DPP10: variants seen among roughly 807,000 people sequenced by gnomAD.
DPP10 encodes the protein inactive dipeptidyl peptidase 10.
In DPP10, 33 loss-of-function variants were observed where a neutral mutation model predicts 120.9. The ratio of observed to expected loss-of-function variants is 0.27; its 90% CI spans 0.21 to 0.37. The LOEUF is 0.37. DPP10 is among the 10% of genes least tolerant of loss of function. DPP10 has a pLI of 1.00. For synonymous variants in DPP10, 337 were observed against 326.1 expected, an observed-to-expected ratio of 1.03 and a Z score of -0.36; for missense variants, 816 against 942.8, an observed-to-expected ratio of 0.87 and a Z score of 1.76.
At chr2:114,863,452 T>G (rs1352135248) in intron 1 of DPP10, among the ~76,000 whole-genome samples, 7 of 152,086 alleles carry the variant, frequency 4.6e-5, no homozygotes, top group African/African-American at 1.7e-4. Flanking sequence ...TTCCCATTAG[T>G]TAGTGGTGGT....
chr2:114,743,044 C>T lies in DPP10; in HGVS notation c.60+300206C>T, dbSNP rs191402458. ...GTCTTAATCACACCTAATTCCAAAT[C>T]CATCACTATGGTTCAGAGAATCAAC... On this transcript the variant is annotated intron_variant, in intron 1 of 25. Coordinates refer to ENST00000410059, the MANE Select transcript of DPP10 (RefSeq NM_020868.6). Among the ~76,000 whole-genome samples, 943 of 152,316 alleles carry T rather than the reference C, an allele frequency of 6.2e-3. 9 individuals are homozygous for T. The highest frequency in any genetic ancestry group is 9.2e-3 in the Non-Finnish European group (625 of 68,026).
intron 1 of DPP10, among the ~76,000 whole-genome samples, chr2:114,698,398 A>T (rs1213293938): frequency 6.6e-6 from 1 of 152,134 alleles, no homozygotes; most frequent in Non-Finnish European, 1.5e-5. Context: ...CTGCAACCTC[A>T]TGAGAGACCA....
rs1216745486 is a variant in DPP10 at position 115,350,049 on chromosome 2, T to TG, written c.271+6137_271+6138insG. On this transcript the variant is annotated intron_variant, in intron 3 of 25. Coordinates refer to ENST00000410059, the MANE Select transcript of DPP10 (RefSeq NM_020868.6). ...ATGAGGCTCTTGAAGATAACACGTA[T>TG]TTTTCTTGCAACATAATTTATAAAG... 2.0e-5 allele frequency among the ~76,000 whole-genome samples: 3 copies of TG among 152,244 alleles called. No homozygotes were observed. The South Asian group carries it at 6.2e-4, about 32-fold the overall frequency.
chr2:115,371,425 C>T (rs948243705), intron 3 of DPP10, among the ~76,000 whole-genome samples: 7 of 152,160 alleles, frequency 4.6e-5, no homozygotes, highest in East Asian at 1.9e-4. Context: ...AATACGTGAA[C>T]TTGAGCTCTT....
intron 7 of DPP10, among the ~76,000 whole-genome samples, chr2:115,707,504 A>G (rs1437068803): frequency 6.6e-6 from 1 of 151,536 alleles, no homozygotes; most frequent in Non-Finnish European, 1.5e-5. Flanking sequence ...ATATCTAATA[A>G]GTAATATAGT....
rs906712445 is a variant in DPP10, at chr2:115,482,325, G to A, written c.272-17185G>A. Among the ~76,000 whole-genome samples the A allele has an allele frequency of 3.5e-5, 5 of 144,082 alleles. No individual in the cohort carries two copies. In the Admixed American group the frequency reaches 3.5e-4, roughly 10 times the overall value. 94.5% of individuals were successfully genotyped at this position (144,082 alleles called of 152,430 possible). ...ATCTGCATACATAGTAAAATAGTTA[G>A]TATAGGGGAACAAATTAGCATATTC... is the stretch of plus-strand genomic sequence containing the variant. On this transcript the variant is annotated intron_variant, in intron 3 of 25. Transcript: ENST00000410059.
chr2:114,442,909 T>A, intron 1 of DPP10, 71 bp downstream of exon 1: 1 of 1,574,050 alleles, frequency 6.4e-7, no homozygotes, highest in Non-Finnish European at 8.7e-7. Context: ...TGGGCATTGA[T>A]ATATCGGGGT....
rs1695309294 is a variant in DPP10 at position 114,922,957 on chromosome 2, GAACCA to G, written c.61-386281_61-386277del. Among the ~76,000 whole-genome samples the G allele has an allele frequency of 2.0e-5, 3 of 152,156 alleles. No individual in the cohort carries two copies. The South Asian group carries it at 6.2e-4, about 32-fold the overall frequency. ...TGGTAACTCTGTTTAACAATATGAGGAACCACCAACTCTATTCCAAATTGGCATCA... is the reference window on the plus strand; with the variant it reads ...TGGTAACTCTGTTTAACAATATGAGGCCAACTCTATTCCAAATTGGCATCA... On this transcript the variant is annotated intron_variant, in intron 1 of 25. Transcript: ENST00000410059.
At chr2:114,523,526 T>G (rs952724402) in intron 1 of DPP10, among the ~76,000 whole-genome samples, 1 of 152,180 alleles carries the variant, frequency 6.6e-6, no homozygotes, top group African/African-American at 2.4e-5. Context: ...GACTGGTCCT[T>G]TGTTATCCTT....
intron 1 of DPP10, among the ~76,000 whole-genome samples, chr2:114,622,617 A>G (rs547534902): frequency 1.8e-4 from 27 of 152,086 alleles, no homozygotes; most frequent in Non-Finnish European, 3.7e-4. Context: ...GGGGTGAACA[A>G]TCAGCAAAAT....
chr2:115,178,608 C>T (rs544843270), intron 1 of DPP10, among the ~76,000 whole-genome samples: 2 of 152,110 alleles, frequency 1.3e-5, no homozygotes, highest in East Asian at 3.9e-4. Flanking sequence ...TTGCATGTAA[C>T]CTAAAGATAA....
chr2:115,824,139 A>G (rs958498275), intron 21 of DPP10, among the ~76,000 whole-genome samples: 1 of 152,144 alleles, frequency 6.6e-6, no homozygotes, highest in African/African-American at 2.4e-5. Context: ...TCATACTGAT[A>G]TATATACACC....
chr2:115,235,307 G>T (rs2057942436), intron 1 of DPP10, among the ~76,000 whole-genome samples: 1 of 152,102 alleles, frequency 6.6e-6, no homozygotes, highest in Non-Finnish European at 1.5e-5. Flanking sequence ...TAATAAAGAG[G>T]ACTTTGCCTC....
chr2:115,803,357 C>T lies in DPP10; in HGVS notation c.1701-11436C>T, dbSNP rs182136560. On this transcript the variant is annotated intron_variant, in intron 19 of 25. Transcript: ENST00000410059. ...CGTGAGATGGGTTTTCTGAATACAG[C>T]ACACTGATGGTTCTTGACTCTTTAT... Among the ~76,000 whole-genome samples the T allele has an allele frequency of 2.7e-3, 416 of 152,266 alleles. 2 individuals are homozygous for T. The highest frequency in any genetic ancestry group is 8.3e-3 in the Admixed American group (127 of 15,288).
intron 1 of DPP10, among the ~76,000 whole-genome samples, chr2:114,450,191 A>G (rs1020192511): frequency 6.6e-6 from 1 of 152,054 alleles, no homozygotes; most frequent in Non-Finnish European, 1.5e-5. Context: ...TACCTTCCCC[A>G]TCCCCCAAAC....
intron 3 of DPP10, among the ~76,000 whole-genome samples, chr2:115,421,894 AAAAG>A (rs1445770068): frequency 6.6e-6 from 1 of 151,082 alleles, no homozygotes; most frequent in Non-Finnish European, 1.5e-5. Flanking sequence ...AAAAAAAAAA[AAAAG>A]CAAGGATGTC....
In DPP10 at chr2:115,694,642, A is replaced by G. The variant is rs186447675; in HGVS notation, c.576+4721A>G. On this transcript the variant is annotated intron_variant, in intron 7 of 25. Transcript: ENST00000410059. The stretch of plus-strand genomic sequence containing the variant: ...GAGGAATCTGGGAATTATGGTAGAA[A>G]GAGAAGCACCAGGAATCTGTTTTTC... Among the ~76,000 whole-genome samples, 673 of 152,324 alleles carry G rather than the reference A, an allele frequency of 4.4e-3. 4 individuals are homozygous for G. Among genetic ancestry groups the G allele is most frequent in the African/African-American group, 0.016 (649 of 41,572 alleles).
At chr2:115,290,404 A>C (rs2060604713) in intron 1 of DPP10, among the ~76,000 whole-genome samples, 2 of 152,128 alleles carry the variant, frequency 1.3e-5, no homozygotes, top group Non-Finnish European at 2.9e-5. Context: ...ACATATGTGG[A>C]TAAATAGGCA....
chr2:114,620,162 T>C (rs887135700), intron 1 of DPP10, among the ~76,000 whole-genome samples: 1 of 151,942 alleles, frequency 6.6e-6, no homozygotes, highest in African/African-American at 2.4e-5. Flanking sequence ...TCTTCCTCAG[T>C]GCCCAGCTAA....
Sources: gnomAD v4.1 joint callset for allele counts (sites outside exome capture counted in the v4.1 genomes callset) on GRCh38, gnomAD v4.1.1 for gene constraint, MANE v1.5 for transcripts, NCBI Gene and HGNC (gene_info 2026-07-23, HGNC 2026-07-21) for gene names.